The following TUB variants were observed in gnomAD, a reference collection of about 807,000 sequenced individuals.
TUB encodes TUB bipartite transcription factor.
Under a neutral mutation model 59.7 loss-of-function variants are expected in TUB, and 33 were observed. The observed-to-expected ratio is 0.55, with a 90% CI of 0.42 to 0.74. The LOEUF (loss-of-function observed/expected upper bound fraction) is 0.74, where lower values mean the gene tolerates loss of function less well. Among genes scored for constraint, TUB ranks in the 30% least tolerant of loss-of-function variants. The probability of loss-of-function intolerance (pLI) is 0.00; values close to 1 mark genes in which losing one functional copy is unlikely to be tolerated. For missense variants in TUB, 659 were observed against 672.0 expected, an observed-to-expected ratio of 0.98 and a Z score of 0.21; for synonymous variants, 293 against 256.4, an observed-to-expected ratio of 1.14 and a Z score of -1.36.
rs185179368 is a variant in TUB, at chr11:8,105,054, C to T, written c.*3435C>T. On this transcript the variant is annotated 3_prime_UTR_variant, in exon 12 of 12. Coordinates refer to ENST00000299506, the MANE Select transcript of TUB (RefSeq NM_177972.3). ...TTGGTTTCAAAGAAAAAGGTCCATG[C>T]TTTGCTTACAATGGAGTCTGCAGTG... is the stretch of plus-strand genomic sequence containing the variant. 74 of 151,896 alleles carry T rather than the reference C, an allele frequency of 4.9e-4. No individual in the cohort carries two copies. Among genetic ancestry groups the T allele is most frequent in the African/African-American group, 1.7e-3 (71 of 41,406 alleles). The allele number at this position is 151,896 out of a possible 1,614,324, so 9.4% of individuals were successfully genotyped here.
rs58939112 is a variant in TUB, at chr11:8,064,921, A to G, written c.204-24689A>G. On this transcript the variant is annotated intron_variant, in intron 2 of 12. Transcript: ENST00000305253. Reference sequence around the variant, plus strand: ...CTTGGGAACAAATAAGCAGTTATGGATACTCAAAGATATTGTTGGTAGGAG... The same window carrying G: ...CTTGGGAACAAATAAGCAGTTATGGGTACTCAAAGATATTGTTGGTAGGAG... Among the ~76,000 whole-genome samples the G allele has an allele frequency of 5.9e-3, 893 of 152,340 alleles. 10 individuals carry two copies. Among genetic ancestry groups the G allele is most frequent in the African/African-American group, 0.021 (865 of 41,574 alleles).
chr11:8,093,923 G>A (rs905874273), intron 3 of TUB, 123 bp from the exon 4 acceptor site: 2 of 1,129,218 alleles, frequency 1.8e-6, no homozygotes, highest in African/African-American at 3.0e-5. Context: ...AAGTGGTACA[G>A]GGGCCCTGGT....
intron 3 of TUB, among the ~76,000 whole-genome samples, chr11:8,092,307 G>A (rs1218430849): frequency 6.6e-6 from 1 of 152,078 alleles, no homozygotes; most frequent in Admixed American, 6.5e-5. Context: ...GGTGACACCT[G>A]CCTGTAGTCC....
At chr11:8,081,571 C>T (rs1338554300) in intron 1 of TUB, 23 bp downstream of exon 1, 8 of 1,524,048 alleles carry the variant, frequency 5.2e-6, no homozygotes, top group Non-Finnish European at 7.0e-6. Flanking sequence ...CGGGCCGGGG[C>T]GCCCACCACT....
intron 1 of TUB, among the ~76,000 whole-genome samples, chr11:8,089,235 C>A: frequency 6.6e-6 from 1 of 152,076 alleles, no homozygotes; most frequent in Non-Finnish European, 1.5e-5. Context: ...GGGAGCAGCC[C>A]CCTGGGTTTG....
chr11:8,037,161 G>C (rs780313294), upstream of TUB, among the ~76,000 whole-genome samples: 1 of 152,184 alleles, frequency 6.6e-6, no homozygotes, highest in Non-Finnish European at 1.5e-5. Context: ...GGCAGGTGCC[G>C]GCATGCAGGA....
At chr11:8,034,957 G>C (rs930067797), upstream of TUB, among the ~76,000 whole-genome samples, 6 of 152,246 alleles carry the variant, frequency 3.9e-5, no homozygotes, top group Non-Finnish European at 8.8e-5. Context: ...AGGAGAATCT[G>C]TGAAGGGGAC....
Position 8,098,824 on chromosome 11 carries a change from C to G in TUB, c.1065C>G (p.Ser355=). 6.2e-7 allele frequency: 1 copy of G among 1,614,196 alleles called. No homozygotes were observed. The highest frequency in any genetic ancestry group is 1.1e-5 in the South Asian group (1 of 91,078). ...GAGTCAACCCTCAGAAGGCCTCATC[C>G]TCCACTTTGGAAAGTGGAACCTTAC... The part of the protein sequence containing the change: ...DNGVNPQKAS[S]STLESGTLRQ... The change falls in exon 9 of 12, where the codon TCC becomes TCG. Residue 355 remains serine (S), a synonymous_variant. Transcript: ENST00000299506.
intron 1 of TUB, among the ~76,000 whole-genome samples, chr11:8,029,951 T>C (rs1047040577): frequency 6.6e-6 from 1 of 152,102 alleles, no homozygotes; most frequent in African/African-American, 2.4e-5. Flanking sequence ...AGCAGTACAG[T>C]ACCAAGACAG....
chr11:8,045,632 T>C (rs1368857529), intron 2 of TUB, among the ~76,000 whole-genome samples: 2 of 152,260 alleles, frequency 1.3e-5, no homozygotes, highest in Admixed American at 1.3e-4. Flanking sequence ...TTAGGGATGC[T>C]GAACCAGTAA....
At chr11:8,049,274 A>G (rs1487594166) in intron 2 of TUB, among the ~76,000 whole-genome samples, 1 of 152,154 alleles carries the variant, frequency 6.6e-6, no homozygotes, top group Admixed American at 6.5e-5. Flanking sequence ...GGAAGAGCTG[A>G]GGCTTCCACA....
chr11:8,042,114 C>T (rs1042547812), intron 2 of TUB, among the ~76,000 whole-genome samples: 10 of 151,824 alleles, frequency 6.6e-5, no homozygotes, highest in Admixed American at 6.6e-4. Flanking sequence ...AACCCATACC[C>T]ATTTGCAGTC....
At chr11:8,046,833 G>A (rs78886868) in intron 2 of TUB, among the ~76,000 whole-genome samples, 7 of 152,134 alleles carry the variant, frequency 4.6e-5, no homozygotes, top group Non-Finnish European at 1.0e-4. Context: ...CAATTTTTTG[G>A]CTTCCTTGGG....
At chr11:8,090,456 C>T (rs575533741) in intron 3 of TUB, among the ~76,000 whole-genome samples, 15 of 152,348 alleles carry the variant, frequency 9.8e-5, no homozygotes, top group Admixed American at 9.1e-4. Flanking sequence ...GCACTGAGGC[C>T]AGAAGCCTAA....
intron 1 of TUB, among the ~76,000 whole-genome samples, chr11:8,083,243 G>A (rs552881001): frequency 2.7e-4 from 41 of 152,260 alleles, no homozygotes; most frequent in Admixed American, 9.8e-4. Flanking sequence ...ACCTGTGTGC[G>A]GGGGTCCAGA....
chr11:8,092,302 C>T (rs756464378), intron 3 of TUB, among the ~76,000 whole-genome samples: 11 of 152,094 alleles, frequency 7.2e-5, no homozygotes, highest in Non-Finnish European at 1.3e-4. Context: ...GGTGTGGTGA[C>T]ACCTGCCTGT....
chr11:8,101,850 T>TAATGAC lies in TUB; in HGVS notation c.*231_*232insAATGAC. 2.1e-6 allele frequency: 1 copy of TAATGAC among 482,834 alleles called. No individual in the cohort carries two copies. The highest frequency in any genetic ancestry group is 3.4e-6 in the Non-Finnish European group (1 of 296,266). 29.9% of individuals were successfully genotyped at this position (482,834 alleles called of 1,614,324 possible). A position where few individuals can be genotyped will look rare whatever the true frequency, so the allele number is the denominator to read the frequency against. Reference sequence around the variant, plus strand: ...GGTGTGAAGGGATGAGAATAATTCTTTCCATGCCACGAGATCAACACACAC... The same window carrying TAATGAC: ...GGTGTGAAGGGATGAGAATAATTCTTAATGACTCCATGCCACGAGATCAACACACAC... On this transcript the variant is annotated 3_prime_UTR_variant, in exon 12 of 12. Transcript: ENST00000299506.
At chr11:8,084,894 G>A (rs1943637551) in intron 1 of TUB, among the ~76,000 whole-genome samples, 1 of 152,204 alleles carries the variant, frequency 6.6e-6, no homozygotes, top group Non-Finnish European at 1.5e-5. Flanking sequence ...AGGTCATCTA[G>A]TTCTCCGTGT....
At chr11:8,025,398 G>A (rs1020223829) in intron 1 of TUB, among the ~76,000 whole-genome samples, 1 of 152,166 alleles carries the variant, frequency 6.6e-6, no homozygotes, top group Admixed American at 6.5e-5. Flanking sequence ...AAGTGACAAC[G>A]TCCTGAGGTA....
Sources: allele counts gnomAD v4.1 joint callset (sites outside exome capture counted in the v4.1 genomes callset), GRCh38; gene constraint gnomAD v4.1.1; transcripts MANE v1.5; gene names NCBI Gene and HGNC (gene_info 2026-07-23, HGNC 2026-07-21).